Variants in TEAD1 observed in about 807,000 individuals in gnomAD.
TEAD1 encodes the protein transcriptional enhancer factor TEF-1.
TEAD1 carries 9 observed loss-of-function variants against 54.9 expected under a neutral mutation model. The ratio of observed to expected loss-of-function variants is 0.16; its 90% CI spans 0.10 to 0.29. TEAD1 has a LOEUF of 0.29. Ranked by LOEUF, TEAD1 falls within the 10% of genes least tolerant of loss-of-function variation. The probability of loss-of-function intolerance (pLI) is 1.00; values close to 1 mark genes in which losing one functional copy is unlikely to be tolerated. For synonymous variants in TEAD1, 200 were observed against 187.8 expected (o/e 1.07, Z -0.53); for missense variants, 387 against 535.9 (o/e 0.72, Z 2.74).
rs554497460 is a variant in TEAD1 at position 12,724,439 on chromosome 11, C to T, written c.-54-39740C>T. On this transcript the variant is annotated intron_variant, in intron 2 of 12. Transcript: ENST00000527636. ...AATTTATTTGTACTGTCTGTGGAGGCGTATGCCAGCTAATGTAGTGCAAGA... is the reference window on the plus strand; with the variant it reads ...AATTTATTTGTACTGTCTGTGGAGGTGTATGCCAGCTAATGTAGTGCAAGA... Among the ~76,000 whole-genome samples the T allele has an allele frequency of 5.9e-5, 9 of 152,314 alleles. No homozygotes were observed. The East Asian group carries it at 1.5e-3, about 26-fold the overall frequency.
Position 12,896,267 on chromosome 11 carries a change from C to T in TEAD1, c.700-5673C>T, listed in dbSNP as rs147846860. The stretch of plus-strand genomic sequence containing the variant: ...TGGTGAGATATAAATCAGGTCCGCT[C>T]TCTTGGTGACATCCTTCCAGGAGTC... On this transcript the variant is annotated intron_variant, in intron 9 of 12. Coordinates refer to ENST00000527636, the MANE Select transcript of TEAD1 (RefSeq NM_021961.6). Among the ~76,000 whole-genome samples the T allele has an allele frequency of 2.7e-3, 405 of 152,322 alleles. 4 individuals carry two copies. Among genetic ancestry groups the T allele is most frequent in the African/African-American group, 9.6e-3 (397 of 41,570 alleles).
Position 12,719,142 on chromosome 11 carries a change from T to TCCCAAGCCCCCTCC in TEAD1, c.-55+43582_-55+43583insCCAAGCCCCCTCCC, listed in dbSNP as rs1425514184. 3.6e-4 allele frequency among the ~76,000 whole-genome samples: 54 copies of TCCCAAGCCCCCTCC among 151,974 alleles called. 1 individual carries two copies. The highest frequency in any genetic ancestry group is 6.0e-4 in the Non-Finnish European group (41 of 67,952). On this transcript the variant is annotated intron_variant, in intron 2 of 12. Coordinates refer to ENST00000527636, the MANE Select transcript of TEAD1 (RefSeq NM_021961.6). The stretch of plus-strand genomic sequence containing the variant: ...GACAGGACTCAAGTCCTGGCTTGGG[T>TCCCAAGCCCCCTCC]CATTCCCAAGCCCCCTCCTCCGCAG...
At chr11:12,688,478 C>A (rs1590053256) in intron 2 of TEAD1, among the ~76,000 whole-genome samples, 1 of 152,174 alleles carries the variant, frequency 6.6e-6, no homozygotes, top group Non-Finnish European at 1.5e-5. Context: ...TCATGACTTT[C>A]CCCGCTTCCC....
chr11:12,894,902 C>T (rs571536527), intron 9 of TEAD1, among the ~76,000 whole-genome samples: 1 of 152,200 alleles, frequency 6.6e-6, no homozygotes, highest in South Asian at 2.1e-4. Context: ...ATATTCTTGA[C>T]ACTCCAGTAC....
intron 10 of TEAD1, among the ~76,000 whole-genome samples, chr11:12,921,735 AGCCCCTGTGT>A (rs1035171240): frequency 2.0e-5 from 3 of 152,110 alleles, no homozygotes; most frequent in Admixed American, 1.3e-4. Context: ...CAGTGTTCAG[AGCCCCTGTGT>A]GCCTGAGGTG....
chr11:12,877,195 C>T (rs1040026761), intron 5 of TEAD1, among the ~76,000 whole-genome samples: 1 of 152,186 alleles, frequency 6.6e-6, no homozygotes, highest in Non-Finnish European at 1.5e-5. Flanking sequence ...TCTGGCCGTT[C>T]TTTTGAGGCC....
At chr11:12,797,945 A>G (rs1446239677) in intron 3 of TEAD1, among the ~76,000 whole-genome samples, 1 of 152,090 alleles carries the variant, frequency 6.6e-6, no homozygotes, top group Non-Finnish European at 1.5e-5. Flanking sequence ...TCCTTTGGAT[A>G]ATTCTCATTA....
intron 2 of TEAD1, among the ~76,000 whole-genome samples, chr11:12,721,225 G>T (rs1270172376): frequency 6.6e-6 from 1 of 152,184 alleles, no homozygotes; most frequent in African/African-American, 2.4e-5. Flanking sequence ...CTCAGTGCAG[G>T]TGCAGGAAGA....
At chr11:12,794,336 A>G (rs572649932) in intron 3 of TEAD1, among the ~76,000 whole-genome samples, 1 of 152,304 alleles carries the variant, frequency 6.6e-6, no homozygotes, top group Admixed American at 6.5e-5. Context: ...AGATTATTTG[A>G]TGACCAAATT....
At chr11:12,716,024 A>C (rs886068035) in intron 2 of TEAD1, among the ~76,000 whole-genome samples, 4 of 151,464 alleles carry the variant, frequency 2.6e-5, no homozygotes, top group Non-Finnish European at 5.9e-5. Context: ...CCTTCCCCCC[A>C]AGACTGAGAC....
chr11:12,774,080 G>T (rs1172672020), intron 3 of TEAD1, among the ~76,000 whole-genome samples: 1 of 152,182 alleles, frequency 6.6e-6, no homozygotes, highest in Non-Finnish European at 1.5e-5. Flanking sequence ...ACAGGGTGAA[G>T]CTGGAGGGGC....
chr11:12,698,619 T>C (rs909046217), intron 2 of TEAD1, among the ~76,000 whole-genome samples: 9 of 152,126 alleles, frequency 5.9e-5, no homozygotes, highest in African/African-American at 2.2e-4. Context: ...CCTTACCAGC[T>C]GATCCTTAGG....
At chr11:12,870,959 C>G (rs2134081351) in intron 5 of TEAD1, among the ~76,000 whole-genome samples, 1 of 152,248 alleles carries the variant, frequency 6.6e-6, no homozygotes. Flanking sequence ...GAGAGCTTAG[C>G]TTTGAAGGAG....
chr11:12,858,047 G>A (rs1947426716), intron 3 of TEAD1, among the ~76,000 whole-genome samples: 1 of 152,222 alleles, frequency 6.6e-6, no homozygotes, highest in African/African-American at 2.4e-5. Flanking sequence ...TGAGGCTGCA[G>A]TGAGCCGAGA....
intron 3 of TEAD1, among the ~76,000 whole-genome samples, chr11:12,773,383 T>C (rs80188992): frequency 0.021 from 3,274 of 152,334 alleles, 125 homozygotes; most frequent in African/African-American, 0.075. Context: ...TGTACCACTT[T>C]ACATTCTCAC....
At chr11:12,835,509 A>G (rs183632349) in intron 3 of TEAD1, among the ~76,000 whole-genome samples, 6,354 of 148,750 alleles carry the variant, frequency 0.043, 183 homozygotes, top group Non-Finnish European at 0.06. Flanking sequence ...TTAGTAGAGT[A>G]GGGGTTTCGC....
intron 3 of TEAD1, chr11:12,850,964 C>T (rs1947261336): frequency 6.2e-6 from 4 of 647,874 alleles, no homozygotes; most frequent in Non-Finnish European, 7.7e-6. Flanking sequence ...TGTGCCACTT[C>T]TCACTGAAAT....
At chr11:12,694,283 A>G (rs955410170) in intron 2 of TEAD1, among the ~76,000 whole-genome samples, 1 of 149,768 alleles carries the variant, frequency 6.7e-6, no homozygotes, top group Non-Finnish European at 1.5e-5. Flanking sequence ...GAGAGAAAGG[A>G]GAGAAAAAAG....
intron 3 of TEAD1, among the ~76,000 whole-genome samples, chr11:12,846,421 G>C (rs773901897): frequency 6.6e-6 from 1 of 152,152 alleles, no homozygotes; most frequent in Non-Finnish European, 1.5e-5. Context: ...TCCACACAAG[G>C]GTTTGCTGGA....
Sources: gnomAD v4.1 joint callset for allele counts (sites outside exome capture counted in the v4.1 genomes callset) on GRCh38, gnomAD v4.1.1 for gene constraint, MANE v1.5 for transcripts, NCBI Gene and HGNC (gene_info 2026-07-23, HGNC 2026-07-21) for gene names.